Variants in ANAPC11 observed in about 807,000 individuals in gnomAD.
The protein encoded by ANAPC11 is anaphase-promoting complex subunit 11.
Under a neutral mutation model 11.8 loss-of-function variants are expected in ANAPC11, and 5 were observed. That is an observed-to-expected ratio of 0.42 (90% CI 0.22 to 0.89). The LOEUF (loss-of-function observed/expected upper bound fraction) is 0.89, where lower values mean the gene tolerates loss of function less well. Among genes scored for constraint, ANAPC11 ranks in the 40% least tolerant of loss-of-function variants. ANAPC11 has a pLI of 0.28. For synonymous variants in ANAPC11, 45 were observed against 41.0 expected (o/e 1.10, Z -0.38); for missense variants, 68 against 112.9 (o/e 0.60, Z 1.80).
downstream of ANAPC11, chr17:81,900,315 T>TA (rs1350708832): frequency 8.7e-6 from 5 of 576,322 alleles, no homozygotes; most frequent in Admixed American, 1.7e-4. Flanking sequence ...TGTGTTTTGA[T>TA]ATGAAAACTC....
Position 81,899,934 on chromosome 17 carries a change from G to A in ANAPC11, c.124G>A (p.Asp42Asn), listed in dbSNP as rs1598306073. 1.2e-6 allele frequency: 2 copies of A among 1,609,078 alleles called. No homozygotes were observed. The highest frequency in any genetic ancestry group is 1.7e-6 in the Non-Finnish European group (2 of 1,176,698). Residue 42 changes from aspartate (D) to asparagine (N), a missense_variant, in exon 4 of 4, where the codon GAC becomes AAC. Physicochemically the swap from Asp to Asn is conservative, Grantham distance 23 (BLOSUM62 1). Coordinates refer to ENST00000344877, the MANE Select transcript of ANAPC11 (RefSeq NM_001002248.3). ...GCCPDCKVPG[D>N]DCPLVWGQCS... ...CCCCTCCGTAGGCAAGGTGCCCGGCGACGACTGCCCGCTGGTGTGGGGCCA... is the reference window on the plus strand; with the variant it reads ...CCCCTCCGTAGGCAAGGTGCCCGGCAACGACTGCCCGCTGGTGTGGGGCCA...
At chr17:81,897,458 T>C (rs949083947) in intron 3 of ANAPC11, among the ~76,000 whole-genome samples, 2 of 152,068 alleles carry the variant, frequency 1.3e-5, no homozygotes, top group Non-Finnish European at 2.9e-5. Context: ...TAAGGTGAAA[T>C]TGAGATGACT....
chr17:81,898,405 C>T (rs2039814169), intron 3 of ANAPC11: 1 of 152,232 alleles, frequency 6.6e-6, no homozygotes, highest in African/African-American at 2.4e-5. Flanking sequence ...GAGGGTGTTG[C>T]CCTGAACACT....
intron 2 of ANAPC11, among the ~76,000 whole-genome samples, chr17:81,894,036 T>C (rs1216058783): frequency 2.0e-5 from 3 of 151,866 alleles, no homozygotes; most frequent in Non-Finnish European, 4.4e-5. Flanking sequence ...CCCAGCACTT[T>C]GGGAGGCCGC....
At chr17:81,891,615 C>T, upstream of ANAPC11, 18 of 1,365,058 alleles carry the variant, frequency 1.3e-5, no homozygotes, top group Non-Finnish European at 1.7e-5. Flanking sequence ...GCCGGCACGT[C>T]ACTTCCGGCG....
chr17:81,896,084 G>A (rs2039732346), intron 3 of ANAPC11, among the ~76,000 whole-genome samples: 1 of 152,188 alleles, frequency 6.6e-6, no homozygotes, highest in African/African-American at 2.4e-5. Context: ...AGGTGTTCGA[G>A]ACCAGCCTGG....
At chr17:81,899,528 G>GC (rs981410809) in intron 3 of ANAPC11, 11 of 1,613,242 alleles carry the variant, frequency 6.8e-6, no homozygotes, top group Non-Finnish European at 9.3e-6. Flanking sequence ...CTGCAGATGG[G>GC]CCCAGGGCCT....
At chr17:81,899,878 A>G (rs1453705623) in intron 3 of ANAPC11, 42 bp from the exon 4 acceptor site, 1 of 1,583,212 alleles carries the variant, frequency 6.3e-7, no homozygotes, top group Non-Finnish European at 8.6e-7. Flanking sequence ...CTCTGTGTCC[A>G]GCCTGGTCAT....
At chr17:81,891,441 C>G (rs1024058040), upstream of ANAPC11, 38 of 1,016,296 alleles carry the variant, frequency 3.7e-5, no homozygotes, top group Non-Finnish European at 4.4e-5. Flanking sequence ...CTGCGCCCCA[C>G]CGCCGCGGCC....
At position 81,892,287 on chromosome 17, in the gene ANAPC11, ACATCGTGAGACCCC is replaced by A. The variant is rs2039566271; in HGVS notation, c.-75+451_-75+464del. On this transcript the variant is annotated intron_variant, in intron 1 of 3. Transcript: ENST00000344877. ...CAGGAGTTTGAGACCAGCCGGGGCA[ACATCGTGAGACCCC>A]CATCTCTAAAAAAAAAAATGAGCTG... Among the ~76,000 whole-genome samples, 4 of 151,958 alleles carry A rather than the reference ACATCGTGAGACCCC, an allele frequency of 2.6e-5. No homozygotes were observed. The South Asian group carries it at 8.3e-4, about 32-fold the overall frequency.
intron 3 of ANAPC11, chr17:81,899,433 C>T: frequency 3.1e-6 from 5 of 1,614,006 alleles, no homozygotes; most frequent in Non-Finnish European, 4.2e-6. Flanking sequence ...TGCCCTTGAT[C>T]AAGAGACCAG....
At position 81,900,210 on chromosome 17, in the gene ANAPC11, C is replaced by A; in HGVS notation, c.*145C>A. On this transcript the variant is annotated 3_prime_UTR_variant, in exon 4 of 4. Transcript: ENST00000344877. Reference sequence around the variant, plus strand: ...GTTTGTTTTGCCATCACTATGTTGACACTTTTATCCAATAAGTGAAAACTC... The same window carrying A: ...GTTTGTTTTGCCATCACTATGTTGAAACTTTTATCCAATAAGTGAAAACTC... 1 of 1,281,856 alleles carries A rather than the reference C, an allele frequency of 7.8e-7. No individual in the cohort carries two copies. Among genetic ancestry groups the A allele is most frequent in the South Asian group, 1.4e-5 (1 of 72,834 alleles). The allele number at this position is 1,281,856 out of a possible 1,614,324, so 79.4% of individuals were successfully genotyped here.
rs1004737357 is a variant in ANAPC11, at chr17:81,891,724, T to C, written c.-192T>C. 6 of 704,030 alleles carry C rather than the reference T, an allele frequency of 8.5e-6. No homozygotes were observed. Among genetic ancestry groups the C allele is most frequent in the African/African-American group, 2.0e-5 (1 of 50,588 alleles). 43.6% of individuals were successfully genotyped at this position (704,030 alleles called of 1,614,324 possible). ...GGACGGGGTGAGGCGGGGAGGCGCG[T>C]GCGCACTGGCGTGCGAGACTCGGCG... On this transcript the variant is annotated 5_prime_UTR_variant, in exon 1 of 4. Transcript: ENST00000344877.
intron 3 of ANAPC11, chr17:81,899,654 C>G (rs2039871844): frequency 5.3e-6 from 7 of 1,310,764 alleles, no homozygotes; most frequent in Non-Finnish European, 7.3e-6. Context: ...GCATGATGAG[C>G]CTGGGTGAGG....
At chr17:81,893,891 G>A (rs1438684258) in intron 2 of ANAPC11, among the ~76,000 whole-genome samples, 3 of 151,486 alleles carry the variant, frequency 2.0e-5, no homozygotes, top group Middle Eastern at 3.2e-3. Flanking sequence ...GCCACAAAGC[G>A]GATTGCTGCT....
At chr17:81,899,356 C>T in intron 3 of ANAPC11, 2 of 1,613,864 alleles carry the variant, frequency 1.2e-6, no homozygotes, top group Non-Finnish European at 1.7e-6. Flanking sequence ...TCCCCAACGC[C>T]TGGGCAGCAC....
At chr17:81,894,214 T>C (rs2039652464) in intron 2 of ANAPC11, 1 of 256,756 alleles carries the variant, frequency 3.9e-6, no homozygotes, top group South Asian at 1.5e-4. Flanking sequence ...GCCACTGCAC[T>C]ACAGCCTGGG....
upstream of ANAPC11, chr17:81,891,609 G>T (rs574468388): frequency 5.0e-5 from 69 of 1,375,224 alleles, no homozygotes; most frequent in Middle Eastern, 1.9e-4. Flanking sequence ...CAGCACGCCG[G>T]CACGTCACTT....
upstream of ANAPC11, chr17:81,891,676 G>A (rs2143506130): frequency 6.3e-6 from 7 of 1,112,568 alleles, no homozygotes; most frequent in Non-Finnish European, 7.8e-6. Context: ...CTGATTGGCC[G>A]CTGGCGGACG....
Sources: gnomAD v4.1 joint callset for allele counts (sites outside exome capture counted in the v4.1 genomes callset) on GRCh38, gnomAD v4.1.1 for gene constraint, MANE v1.5 for transcripts, NCBI Gene and HGNC (gene_info 2026-07-23, HGNC 2026-07-21) for gene names.